COL4A4: variants seen among roughly 807,000 people sequenced by gnomAD.
COL4A4 encodes collagen alpha-4(IV) chain.
A neutral mutation model predicts 192.9 loss-of-function variants in COL4A4; 105 were observed. That is an observed-to-expected ratio of 0.54 (90% CI 0.46 to 0.64). The LOEUF is 0.64. Ranked by LOEUF, COL4A4 falls within the 30% of genes least tolerant of loss-of-function variation. The probability of loss-of-function intolerance (pLI) is 0.00; values close to 1 mark genes in which losing one functional copy is unlikely to be tolerated. For missense variants in COL4A4, 1,967 were observed against 2,169.3 expected, an observed-to-expected ratio of 0.91 and a Z score of 1.85; for synonymous variants, 762 against 769.9, an observed-to-expected ratio of 0.99 and a Z score of 0.17.
intron 4 of COL4A4, among the ~76,000 whole-genome samples, chr2:227,129,411 CT>C (rs752359503): frequency 0.043 from 5,974 of 137,918 alleles, 274 homozygotes; most frequent in African/African-American, 0.13. Flanking sequence ...TTCTAGTATA[CT>C]TTTTTTTTTT....
At chr2:227,055,474 T>C (rs1975100482) in intron 30 of COL4A4, among the ~76,000 whole-genome samples, 1 of 151,966 alleles carries the variant, frequency 6.6e-6, no homozygotes, top group African/African-American at 2.4e-5. Context: ...TAGCCTGGGC[T>C]ACAGAGCAAG....
chr2:227,056,467 G>A (rs555576652), intron 29 of COL4A4, among the ~76,000 whole-genome samples: 4 of 152,304 alleles, frequency 2.6e-5, no homozygotes, highest in East Asian at 1.9e-4. Flanking sequence ...CTCTACAGCC[G>A]AGAAGAAGTC....
chr2:227,138,517 C>T (rs1261147139), intron 4 of COL4A4, among the ~76,000 whole-genome samples: 1 of 151,794 alleles, frequency 6.6e-6, no homozygotes, highest in Non-Finnish European at 1.5e-5. Flanking sequence ...CCTGTAGTCC[C>T]AGCTACTGAG....
chr2:227,025,511 T>C (rs572914940), intron 43 of COL4A4, among the ~76,000 whole-genome samples: 19 of 152,334 alleles, frequency 1.2e-4, no homozygotes, highest in African/African-American at 4.3e-4. Context: ...ATGTACTATA[T>C]AGCCTTTGAC....
At chr2:227,117,023 T>G (rs2061525152) in intron 7 of COL4A4, among the ~76,000 whole-genome samples, 2 of 152,254 alleles carry the variant, frequency 1.3e-5, no homozygotes, top group Non-Finnish European at 2.9e-5. Flanking sequence ...GTTTTTTCAT[T>G]TCCTTATATA....
At chr2:227,026,790 C>T (rs755789702) in intron 42 of COL4A4, among the ~76,000 whole-genome samples, 1 of 152,110 alleles carries the variant, frequency 6.6e-6, no homozygotes, top group Non-Finnish European at 1.5e-5. Context: ...AACTGAATAG[C>T]TTTCTCCCTT....
At chr2:227,124,026 C>T (rs2061949542) in intron 4 of COL4A4, among the ~76,000 whole-genome samples, 1 of 152,004 alleles carries the variant, frequency 6.6e-6, no homozygotes, top group Admixed American at 6.6e-5. Context: ...TAGCATAGTG[C>T]CTGGCATAAC....
intron 25 of COL4A4, among the ~76,000 whole-genome samples, chr2:227,071,439 A>T (rs528858284): frequency 6.6e-6 from 1 of 152,206 alleles, no homozygotes; most frequent in East Asian, 1.9e-4. Flanking sequence ...TAGACAGCAA[A>T]ACAATAATAG....
chr2:227,161,350 A>G (rs1484809460), intron 1 of COL4A4, among the ~76,000 whole-genome samples: 1 of 152,196 alleles, frequency 6.6e-6, no homozygotes, highest in African/African-American at 2.4e-5. Context: ...GACAATAACC[A>G]CTCATTTTGT....
chr2:227,094,111 A>T lies in COL4A4; in HGVS notation c.1369+14T>A. 2.5e-6 allele frequency: 4 copies of T among 1,611,854 alleles called. No homozygotes were observed. The South Asian group carries it at 4.4e-5, about 18-fold the overall frequency. ...AGCATAAATGCTAATGGATATGAAT[A>T]AGGAGTACTTTACCACTTGATCCTG... On this transcript the variant is annotated intron_variant, in intron 20 of 47. Coordinates refer to ENST00000396625, the MANE Select transcript of COL4A4 (RefSeq NM_000092.5).
intron 43 of COL4A4, among the ~76,000 whole-genome samples, chr2:227,024,004 CAAA>C (rs61317428): frequency 1.5e-5 from 2 of 137,540 alleles, no homozygotes; most frequent in Non-Finnish European, 1.6e-5. Context: ...GACTCTGTCT[CAAA>C]AAAAAAAAAC....
intron 45 of COL4A4, 40 bp from the exon 46 acceptor site, chr2:227,010,541 G>C: frequency 6.8e-7 from 1 of 1,470,654 alleles, no homozygotes; most frequent in Non-Finnish European, 9.0e-7. Context: ...CAGGTTAGGG[G>C]GTTTGGTTTA....
Position 227,059,390 on chromosome 2 carries a change from G to C in COL4A4, c.2383+15C>G, listed in dbSNP as rs781408930. 5 of 1,609,616 alleles carry C rather than the reference G, an allele frequency of 3.1e-6. No homozygotes were observed. The highest frequency in any genetic ancestry group is 2.2e-5 in the East Asian group (1 of 44,872). ...GCCAGCTCTATGCACCAAAAGGACA[G>C]CAAAGCCCTCATACCTTCAGCCCCT... On this transcript the variant is annotated intron_variant, in intron 28 of 47. Coordinates refer to ENST00000396625, the MANE Select transcript of COL4A4 (RefSeq NM_000092.5).
chr2:227,084,901 G>A (rs1468752956), intron 22 of COL4A4, among the ~76,000 whole-genome samples: 1 of 152,160 alleles, frequency 6.6e-6, no homozygotes, highest in African/African-American at 2.4e-5. Context: ...GGAGGCTGAA[G>A]TGGGAAGATC....
intron 1 of COL4A4, among the ~76,000 whole-genome samples, chr2:227,159,480 T>C (rs2125544043): frequency 6.6e-6 from 1 of 152,374 alleles, no homozygotes; most frequent in Non-Finnish European, 1.5e-5. Context: ...ACATAGATTA[T>C]ACCTCAAGAA....
the COL4A4 span, among the ~76,000 whole-genome samples, chr2:226,977,259 A>C: frequency 2.6e-5 from 4 of 152,064 alleles, no homozygotes; most frequent in Non-Finnish European, 5.9e-5. Context: ...TTAGTTTTGC[A>C]TTTAACACAG....
At position 227,088,769 on chromosome 2, in the gene COL4A4, CA is replaced by C; in HGVS notation, c.1506del (p.Gly503AlafsTer150). The C allele has an allele frequency of 6.2e-7, 1 of 1,614,118 alleles. No individual in the cohort carries two copies. Among genetic ancestry groups the C allele is most frequent in the Non-Finnish European group, 8.5e-7 (1 of 1,180,010 alleles). On this transcript the variant is annotated frameshift_variant, in exon 22 of 48. Coordinates refer to ENST00000396625, the MANE Select transcript of COL4A4 (RefSeq NM_000092.5). LOFTEE classifies it high-confidence loss of function. ...CACEPGPMGP[P>X]GPPGLPGRQG... ...TGCCTCCCAGGAAGTCCTGGAGGGC[CA>C]GGGGGGCCCATGGGTCCAGGCTCAC... is the stretch of plus-strand genomic sequence containing the variant.
intron 20 of COL4A4, among the ~76,000 whole-genome samples, chr2:227,091,247 CAGATATAGATAT>C (rs58703873): frequency 0.025 from 3,572 of 142,398 alleles, 127 homozygotes; most frequent in African/African-American, 0.082. Context: ...AATTGAAAAA[CAGATATAGATAT>C]AGATATAGAT....
intron 4 of COL4A4, among the ~76,000 whole-genome samples, 187 bp from the exon 5 acceptor site, chr2:227,121,335 C>T (rs1397295093): frequency 2.6e-5 from 4 of 151,854 alleles, no homozygotes; most frequent in East Asian, 1.9e-4. Context: ...GCCGAGACAA[C>T]GAGGTTCACT....
Sources: allele counts gnomAD v4.1 joint callset (sites outside exome capture counted in the v4.1 genomes callset), GRCh38; gene constraint gnomAD v4.1.1; transcripts MANE v1.5; gene names NCBI Gene and HGNC (gene_info 2026-07-23, HGNC 2026-07-21).